The following FSHR variants were observed in gnomAD, a reference collection of about 807,000 sequenced individuals.
The protein encoded by FSHR is follicle stimulating hormone receptor.
A neutral mutation model predicts 52.1 loss-of-function variants in FSHR; 46 were observed. The observed-to-expected ratio is 0.88, with a 90% confidence interval of 0.70 to 1.13. The LOEUF is 1.13. FSHR is among the 50% of genes most tolerant of loss of function. FSHR has a pLI of 0.00. For missense variants in FSHR, 964 were observed against 834.6 expected (o/e 1.16, Z -1.91); for synonymous variants, 399 against 309.6 (o/e 1.29, Z -3.03).
rs146628122 is a variant in FSHR, at chr2:48,993,491, A to G, written c.375-2854T>C. 1.1e-3 allele frequency among the ~76,000 whole-genome samples: 165 copies of G among 152,172 alleles called. 1 individual carries two copies. The highest frequency in any genetic ancestry group is 3.5e-3 in the African/African-American group (145 of 41,520). On this transcript the variant is annotated intron_variant, in intron 4 of 9. Transcript: ENST00000406846. ...GTCTTGACTTTATGCAATTTTGCCT[A>G]TCTCCACTGACACCATTCCCAAAAG...
intron 4 of FSHR, among the ~76,000 whole-genome samples, chr2:49,009,402 G>A (rs371470532): frequency 1.3e-5 from 2 of 151,794 alleles, no homozygotes; most frequent in Admixed American, 6.6e-5. Flanking sequence ...GTTTTGGTAC[G>A]AGTACCATGC....
intron 1 of FSHR, among the ~76,000 whole-genome samples, chr2:49,096,654 T>C (rs1426331354): frequency 6.6e-6 from 1 of 152,216 alleles, no homozygotes; most frequent in Non-Finnish European, 1.5e-5. Context: ...AATACTAAAA[T>C]GTTCAATTTA....
At chr2:49,112,494 A>G (rs1671457303) in intron 1 of FSHR, among the ~76,000 whole-genome samples, 1 of 152,190 alleles carries the variant, frequency 6.6e-6, no homozygotes, top group Admixed American at 6.5e-5. Context: ...CATTGGGGTT[A>G]TTATGTTATT....
chr2:49,003,419 C>T (rs769747622), intron 4 of FSHR, among the ~76,000 whole-genome samples: 2 of 152,136 alleles, frequency 1.3e-5, no homozygotes, highest in African/African-American at 2.4e-5. Context: ...TTTCCCCGTC[C>T]TGATCTGGCT....
Position 48,999,439 on chromosome 2 carries a change from C to T in FSHR, c.375-8802G>A, listed in dbSNP as rs1436398351. Among the ~76,000 whole-genome samples, 3 of 152,008 alleles carry T rather than the reference C, an allele frequency of 2.0e-5. No individual in the cohort carries two copies. In the East Asian group the frequency reaches 5.8e-4, roughly 29 times the overall value. Reference sequence around the variant, plus strand: ...ATTTGGGTGCTTATTGTTGTCTTACCTTAAAGACAGATTCTAATTCATTAT... The same window carrying T: ...ATTTGGGTGCTTATTGTTGTCTTACTTTAAAGACAGATTCTAATTCATTAT... On this transcript the variant is annotated intron_variant, in intron 4 of 9. Transcript: ENST00000406846.
At chr2:48,977,239 A>G (rs538484216) in intron 8 of FSHR, among the ~76,000 whole-genome samples, 4 of 152,236 alleles carry the variant, frequency 2.6e-5, no homozygotes, top group African/African-American at 7.2e-5. Flanking sequence ...ACAGTGAGGG[A>G]GGGTTATTTA....
chr2:49,100,796 A>T (rs1670999466), intron 1 of FSHR, among the ~76,000 whole-genome samples: 2 of 152,190 alleles, frequency 1.3e-5, no homozygotes, highest in Non-Finnish European at 2.9e-5. Flanking sequence ...ACCTGAAGGC[A>T]ATTCCAACTG....
intron 2 of FSHR, among the ~76,000 whole-genome samples, chr2:49,023,227 C>G (rs77793542): frequency 6.6e-6 from 1 of 152,190 alleles, no homozygotes; most frequent in South Asian, 2.1e-4. Context: ...CATTTCTCAG[C>G]TGAAGCAATC....
At chr2:49,087,192 A>G (rs982172205) in intron 1 of FSHR, among the ~76,000 whole-genome samples, 2 of 148,346 alleles carry the variant, frequency 1.3e-5, no homozygotes, top group African/African-American at 5.0e-5. Flanking sequence ...TACACTTTCC[A>G]TTGGAGATCC....
intron 1 of FSHR, among the ~76,000 whole-genome samples, chr2:49,139,649 G>T (rs1277695745): frequency 1.3e-5 from 2 of 149,206 alleles, no homozygotes; most frequent in South Asian, 2.1e-4. Flanking sequence ...CCAGGCTGGA[G>T]TGCAGTGGCA....
At chr2:48,998,571 C>T (rs566315162) in intron 4 of FSHR, among the ~76,000 whole-genome samples, 4 of 151,602 alleles carry the variant, frequency 2.6e-5, no homozygotes, top group Non-Finnish European at 4.4e-5. Context: ...ATTTGACTGA[C>T]GTTAGGGAAA....
intron 1 of FSHR, among the ~76,000 whole-genome samples, chr2:49,138,360 C>G (rs1022760841): frequency 3.3e-5 from 5 of 152,050 alleles, no homozygotes; most frequent in Non-Finnish European, 5.9e-5. Flanking sequence ...AGGTATACAC[C>G]AAGAAAACTG....
intron 1 of FSHR, among the ~76,000 whole-genome samples, chr2:49,141,155 T>G (rs1363668865): frequency 6.6e-6 from 1 of 152,258 alleles, no homozygotes; most frequent in African/African-American, 2.4e-5. Flanking sequence ...TCATCGCATT[T>G]ACTTTTTAGT....
intron 1 of FSHR, among the ~76,000 whole-genome samples, chr2:49,152,366 A>G (rs769985659): frequency 2.6e-5 from 4 of 152,118 alleles, no homozygotes; most frequent in Non-Finnish European, 5.9e-5. Context: ...TCTTGGCCAG[A>G]GATGTGTTTT....
chr2:49,146,828 A>G (rs1281534416), intron 1 of FSHR, among the ~76,000 whole-genome samples: 1 of 152,052 alleles, frequency 6.6e-6, no homozygotes, highest in Non-Finnish European at 1.5e-5. Context: ...GAAACAGTTA[A>G]ACTTTTGAGG....
intron 3 of FSHR, among the ~76,000 whole-genome samples, chr2:49,018,429 C>T (rs1667572860): frequency 6.6e-6 from 1 of 152,184 alleles, no homozygotes; most frequent in Non-Finnish European, 1.5e-5. Flanking sequence ...TAAACTGTAG[C>T]TACCCAGATC....
At chr2:49,036,170 C>T (rs905302762) in intron 2 of FSHR, among the ~76,000 whole-genome samples, 1 of 152,138 alleles carries the variant, frequency 6.6e-6, no homozygotes, top group East Asian at 1.9e-4. Flanking sequence ...ATTATTTATA[C>T]TTCAGGGACA....
rs892689067 is a variant in FSHR at position 49,056,107 on chromosome 2, CAATT to C, written c.224+12108_224+12111del. 1.6e-4 allele frequency among the ~76,000 whole-genome samples: 25 copies of C among 151,866 alleles called. 1 individual carries two copies. Among genetic ancestry groups the C allele is most frequent in the Admixed American group, 1.3e-4 (2 of 15,244 alleles). ...AAGGATATACAAAACAAGCAGATAA[CAATT>C]AATTGCAAGAGTAAGTCCTCACCTA... On this transcript the variant is annotated intron_variant, in intron 2 of 9. Coordinates refer to ENST00000406846, the MANE Select transcript of FSHR (RefSeq NM_000145.4).
chr2:48,982,782 A>G, intron 8 of FSHR, 130 bp downstream of exon 8: 1 of 795,002 alleles, frequency 1.3e-6, no homozygotes, highest in Non-Finnish European at 2.2e-6. Flanking sequence ...AAATTTTTGC[A>G]GATGACACGA....
Sources: gnomAD v4.1 joint callset for allele counts (sites outside exome capture counted in the v4.1 genomes callset) on GRCh38, gnomAD v4.1.1 for gene constraint, MANE v1.5 for transcripts, NCBI Gene and HGNC (gene_info 2026-07-23, HGNC 2026-07-21) for gene names.